The following PEX5L variants were observed in gnomAD, a reference collection of about 807,000 sequenced individuals.
PEX5L encodes the protein peroxisomal biogenesis factor 5 like, also known as PEX5-related protein.
In PEX5L, 30 loss-of-function variants were observed where a neutral mutation model predicts 84.0. That is an observed-to-expected ratio of 0.36 (90% CI 0.27 to 0.48). PEX5L has a LOEUF of 0.48. PEX5L is among the 20% of genes least tolerant of loss of function. The pLI, the probability that PEX5L is intolerant of heterozygous loss-of-function variation, is 0.99. For missense variants in PEX5L, 533 were observed against 754.6 expected, an observed-to-expected ratio of 0.71 and a Z score of 3.44; for synonymous variants, 270 against 283.1, an observed-to-expected ratio of 0.95 and a Z score of 0.46.
Position 179,808,335 on chromosome 3 carries a change from G to A in PEX5L, c.1455C>T (p.His485=), listed in dbSNP as rs1722212065. The A allele has an allele frequency of 6.2e-7, 1 of 1,605,190 alleles. No homozygotes were observed. Among genetic ancestry groups the A allele is most frequent in the Non-Finnish European group, 8.5e-7 (1 of 1,176,666 alleles). ...TTGCTCTATTAAATTCTCCACTCAG[G>A]TGGAACAGAACCCCTAGACCTGTCT... is the stretch of plus-strand genomic sequence containing the variant. ...DLQTGLGVLF[H]LSGEFNRAID... is the part of the protein sequence containing the mutation. The change falls in exon 13 of 15, where the codon CAC becomes CAT. Residue 485 remains histidine, a synonymous_variant. Coordinates refer to ENST00000467460, the MANE Select transcript of PEX5L (RefSeq NM_016559.3).
At chr3:179,886,303 A>T (rs1424139421) in intron 4 of PEX5L, among the ~76,000 whole-genome samples, 1 of 152,202 alleles carries the variant, frequency 6.6e-6, no homozygotes, top group Admixed American at 6.5e-5. Context: ...TAGTATGTGA[A>T]CTTGTTTAAT....
rs148149775 is a variant in PEX5L, at chr3:179,846,251, T to C, written c.822+12811A>G. On this transcript the variant is annotated intron_variant, in intron 8 of 14. Transcript: ENST00000467460. ...GAGTTGTACATATTTATGAGGTATA[T>C]GTGATGTTTCGTAGGCATACAATGT... 6.1e-3 allele frequency among the ~76,000 whole-genome samples: 933 copies of C among 152,334 alleles called. 12 individuals carry two copies. Among genetic ancestry groups the C allele is most frequent in the African/African-American group, 0.021 (880 of 41,574 alleles).
chr3:179,907,967 C>T lies in PEX5L; in HGVS notation c.94-9721G>A, dbSNP rs887964457. On this transcript the variant is annotated intron_variant, in intron 2 of 14. Transcript: ENST00000467460. ...TGATATAACTTAAGAAAGTAAACTA[C>T]AGAAACTAGGCCAAGTTTACAAGCT... 3.3e-5 allele frequency among the ~76,000 whole-genome samples: 5 copies of T among 152,154 alleles called. No individual in the cohort carries two copies. In the East Asian group the frequency reaches 9.6e-4, roughly 29 times the overall value.
At chr3:179,836,420 C>T (rs1329693768) in intron 8 of PEX5L, among the ~76,000 whole-genome samples, 1 of 152,062 alleles carries the variant, frequency 6.6e-6, no homozygotes, top group Non-Finnish European at 1.5e-5. Flanking sequence ...GCACTGAGCT[C>T]CTATACTAGG....
chr3:180,010,765 CTCTTT>C (rs1789397066), intron 1 of PEX5L, among the ~76,000 whole-genome samples: 1 of 151,956 alleles, frequency 6.6e-6, no homozygotes, highest in African/African-American at 2.4e-5. Flanking sequence ...ATAATGGCCT[CTCTTT>C]TCATCTTTGC....
chr3:179,999,594 T>C (rs886811888), intron 1 of PEX5L, among the ~76,000 whole-genome samples: 16 of 152,268 alleles, frequency 1.1e-4, no homozygotes, highest in African/African-American at 3.9e-4. Flanking sequence ...ACCTCTTCCA[T>C]CATAGAAAGG....
At chr3:179,935,196 G>T (rs1774249377) in intron 2 of PEX5L, among the ~76,000 whole-genome samples, 1 of 152,088 alleles carries the variant, frequency 6.6e-6, no homozygotes, top group Admixed American at 6.6e-5. Context: ...ATAATAACAT[G>T]GGAAAAAGGC....
intron 8 of PEX5L, among the ~76,000 whole-genome samples, chr3:179,833,689 C>A (rs1000741707): frequency 2.6e-5 from 4 of 152,046 alleles, no homozygotes. Context: ...GGGACTCTTT[C>A]AGTGTTGGCT....
intron 7 of PEX5L, among the ~76,000 whole-genome samples, chr3:179,870,241 C>G (rs1020017394): frequency 3.3e-5 from 5 of 152,166 alleles, no homozygotes; most frequent in African/African-American, 1.2e-4. Flanking sequence ...AATCATAAGG[C>G]TTTTGTTTAA....
At position 179,804,727 on chromosome 3, in the gene PEX5L, C is replaced by T. The variant is rs1400584781; in HGVS notation, c.1677-2695G>A. Among the ~76,000 whole-genome samples the T allele has an allele frequency of 3.3e-5, 5 of 152,322 alleles. No individual in the cohort carries two copies. In the East Asian group the frequency reaches 5.8e-4, roughly 18 times the overall value. ...GTTGAAAGTACTTAAACCAGCTCCT[C>T]GCTTCCTTTTGAGCTCTTTCTCTAT... On this transcript the variant is annotated intron_variant, in intron 14 of 14. Transcript: ENST00000467460.
At chr3:179,935,759 T>G (rs1355776845) in intron 2 of PEX5L, among the ~76,000 whole-genome samples, 1 of 151,930 alleles carries the variant, frequency 6.6e-6, no homozygotes, top group Non-Finnish European at 1.5e-5. Context: ...TGGAGCCTGA[T>G]GGGAGGCATC....
intron 14 of PEX5L, among the ~76,000 whole-genome samples, chr3:179,803,801 T>C (rs1720064769): frequency 6.6e-6 from 1 of 152,236 alleles, no homozygotes; most frequent in Non-Finnish European, 1.5e-5. Context: ...TTGTTAGATC[T>C]GCCTGAAAAT....
intron 2 of PEX5L, among the ~76,000 whole-genome samples, chr3:179,954,754 C>T (rs1257343330): frequency 3.3e-5 from 5 of 151,998 alleles, no homozygotes; most frequent in East Asian, 1.9e-4. Context: ...TGACTCTTTT[C>T]GGGTTTCTCA....
intron 2 of PEX5L, among the ~76,000 whole-genome samples, chr3:179,908,185 C>T (rs1763917834): frequency 6.6e-6 from 1 of 152,156 alleles, no homozygotes; most frequent in Non-Finnish European, 1.5e-5. Flanking sequence ...CTCTTGGGTT[C>T]CTTAAAAGCA....
chr3:180,015,638 A>G (rs1789879198), intron 1 of PEX5L, among the ~76,000 whole-genome samples: 1 of 151,970 alleles, frequency 6.6e-6, no homozygotes, highest in South Asian at 2.1e-4. Flanking sequence ...CACAAAATAA[A>G]CAAACTGAGA....
chr3:179,866,171 T>C (rs1748061624), intron 7 of PEX5L, among the ~76,000 whole-genome samples: 1 of 152,194 alleles, frequency 6.6e-6, no homozygotes, highest in African/African-American at 2.4e-5. Flanking sequence ...TTAAAAGGAA[T>C]GTTGTATTTT....
intron 2 of PEX5L, among the ~76,000 whole-genome samples, chr3:179,902,958 G>A (rs775792802): frequency 2.0e-5 from 3 of 151,728 alleles, no homozygotes; most frequent in Non-Finnish European, 2.9e-5. Flanking sequence ...CCCTCCTTTT[G>A]TTCTGATTAT....
At chr3:179,919,322 C>T (rs1354100246) in intron 2 of PEX5L, among the ~76,000 whole-genome samples, 1 of 152,196 alleles carries the variant, frequency 6.6e-6, no homozygotes, top group Non-Finnish European at 1.5e-5. Context: ...CCACAGCAAG[C>T]AGCCTCTCTC....
Position 180,036,677 on chromosome 3 carries a change from GA to G in PEX5L, c.-79del. 3 of 1,515,102 alleles carry G rather than the reference GA, an allele frequency of 2.0e-6. No homozygotes were observed. The highest frequency in any genetic ancestry group is 2.8e-6 in the Non-Finnish European group (3 of 1,089,712). The allele number at this position is 1,515,102 out of a possible 1,614,324, so 93.9% of individuals were successfully genotyped here. ...TGCTTACTTGCCCACCAAAAGAGGG[GA>G]AAAGGTGGGTGCACAGCGGGTTCTC... On this transcript the variant is annotated 5_prime_UTR_variant, in exon 1 of 15. Coordinates refer to ENST00000467460, the MANE Select transcript of PEX5L (RefSeq NM_016559.3).
Sources: gnomAD v4.1 joint callset for allele counts (sites outside exome capture counted in the v4.1 genomes callset) on GRCh38, gnomAD v4.1.1 for gene constraint, MANE v1.5 for transcripts, NCBI Gene and HGNC (gene_info 2026-07-23, HGNC 2026-07-21) for gene names.